The following DENND6B variants were observed in gnomAD, a reference collection of about 807,000 sequenced individuals.
DENND6B encodes DENN domain containing 6B, also known as protein DENND6B.
DENND6B carries 73 observed loss-of-function variants against 85.1 expected under a neutral mutation model. The observed-to-expected ratio is 0.86, with a 90% CI of 0.71 to 1.04. DENND6B has a LOEUF of 1.04. Among genes scored for constraint, DENND6B ranks in the 50% least tolerant of loss-of-function variants. The pLI is 0.00. For missense variants in DENND6B, 715 were observed against 785.8 expected (o/e 0.91, Z 1.08); for synonymous variants, 357 against 329.3 (o/e 1.08, Z -0.91).
chr22:50,319,557 C>T, intron 1 of DENND6B: 1 of 971,378 alleles, frequency 1.0e-6, no homozygotes. Context: ...GGTCACGGGG[C>T]TCCACCTGGC....
intron 8 of DENND6B, 95 bp from the exon 9 acceptor site, chr22:50,315,864 A>G: frequency 6.8e-7 from 1 of 1,477,190 alleles, no homozygotes; most frequent in Non-Finnish European, 9.1e-7. Flanking sequence ...GAAGGTGGAG[A>G]GCACCCAGCC....
Position 50,326,815 on chromosome 22 carries a change from C to T in DENND6B, c.174G>A (p.Leu58=), listed in dbSNP as rs1218360964. 2.1e-6 allele frequency: 3 copies of T among 1,415,918 alleles called. No homozygotes were observed. Among genetic ancestry groups the T allele is most frequent in the South Asian group, 1.4e-5 (1 of 70,280 alleles). 87.7% of individuals were successfully genotyped at this position (1,415,918 alleles called of 1,614,324 possible). A position where few individuals can be genotyped will look rare whatever the true frequency, so the allele number is the denominator to read the frequency against. ...VTFDLELGQA[L]ELVYPNDFRL... is the part of the protein sequence containing the mutation. ...GCCCGCGCTCGCGCCCGCTCACCTC[C>T]AGCGCCTGGCCCAGCTCCAGGTCGA... The change falls in exon 1 of 20, where the codon CTG becomes CTA. Residue 58 remains leucine (L), a synonymous_variant. Coordinates refer to ENST00000413817, the MANE Select transcript of DENND6B (RefSeq NM_001001794.4).
rs764912026 is a variant in DENND6B at position 50,313,825 on chromosome 22, G to C, written c.1192C>G (p.Arg398Gly). ...HLHRDKALLK[R>G]LLKGVQKKRP... ...CACAAACCATATACCTTGAGCAGCC[G>C]TTTGAGCAGCGCCTTGTCGCGGTGG... The change falls in exon 14 of 20, where the codon CGG becomes GGG. Residue 398 changes from arginine to glycine, a missense_variant. Physicochemically the swap from Arg to Gly is moderately radical, Grantham distance 125. Transcript: ENST00000413817. 2 of 1,612,138 alleles carry C rather than the reference G, an allele frequency of 1.2e-6. No homozygotes were observed. The highest frequency in any genetic ancestry group is 4.5e-5 in the East Asian group (2 of 44,852).
At chr22:50,319,847 A>G (rs2147785160) in intron 1 of DENND6B, among the ~76,000 whole-genome samples, 1 of 152,306 alleles carries the variant, frequency 6.6e-6, no homozygotes, top group Non-Finnish European at 1.5e-5. Context: ...CCAGCCGGAC[A>G]AGGCCTGCAC....
chr22:50,323,020 CTTTTT>C (rs386395718), intron 1 of DENND6B, among the ~76,000 whole-genome samples: 35 of 39,030 alleles, frequency 9.0e-4, no homozygotes, highest in Middle Eastern at 0.033. Context: ...CCGGCTAATG[CTTTTT>C]TTTTTTTTTT....
At position 50,314,823 on chromosome 22, in the gene DENND6B, G is replaced by A. The variant is rs367892900; in HGVS notation, c.857C>T (p.Ser286Leu). The A allele has an allele frequency of 3.2e-5, 52 of 1,609,996 alleles. No individual in the cohort carries two copies. The highest frequency in any genetic ancestry group is 2.0e-4 in the East Asian group (9 of 44,800). Residue 286 changes from serine (S) to leucine (L), a missense_variant, in exon 10 of 20, where the codon TCG becomes TTG. Transcript: ENST00000413817. ...LVLAPSPDVS[S>L]EMVLALTSCL... The stretch of plus-strand genomic sequence containing the variant: ...CCTGGTCAAGGCCAGCACCATCTCC[G>A]AGGACACGTCGGGCGAGGGTGCCAG...
intron 1 of DENND6B, among the ~76,000 whole-genome samples, chr22:50,322,618 C>T (rs1354995485): frequency 6.6e-6 from 1 of 151,658 alleles, no homozygotes. Flanking sequence ...GGCGTGATCT[C>T]CGCTCACTGC....
chr22:50,314,049 G>T, intron 13 of DENND6B, 158 bp downstream of exon 13: 2 of 1,262,844 alleles, frequency 1.6e-6, no homozygotes, highest in Non-Finnish European at 2.1e-6. Context: ...CCACTGAAGA[G>T]AAGAGAGCGA....
intron 9 of DENND6B, 75 bp downstream of exon 9, chr22:50,315,639 C>T: frequency 1.4e-6 from 2 of 1,469,240 alleles, no homozygotes; most frequent in Non-Finnish European, 9.2e-7. Context: ...CACACAGATG[C>T]ACACATGCAC....
At chr22:50,325,965 C>G (rs546717839) in intron 1 of DENND6B, among the ~76,000 whole-genome samples, 4 of 152,372 alleles carry the variant, frequency 2.6e-5, no homozygotes, top group Non-Finnish European at 5.9e-5. Flanking sequence ...TCTTGGACAC[C>G]TGCGGTAATA....
At chr22:50,316,313 C>G (rs527360099) in intron 6 of DENND6B, 57 bp downstream of exon 6, 39 of 1,562,854 alleles carry the variant, frequency 2.5e-5, no homozygotes, top group Non-Finnish European at 3.4e-5. Flanking sequence ...GCCGAGCCCA[C>G]CAGGGGCCAC....
rs558344337 is a variant in DENND6B, at chr22:50,325,626, C to T, written c.177+1186G>A. ...CTGGGATTACAGGCATGAGTCACCG[C>T]GTCCGGCCAGGAACCTCTTAACTTC... On this transcript the variant is annotated intron_variant, in intron 1 of 19. Coordinates refer to ENST00000413817, the MANE Select transcript of DENND6B (RefSeq NM_001001794.4). 1.6e-4 allele frequency among the ~76,000 whole-genome samples: 24 copies of T among 152,218 alleles called. No homozygotes were observed. In the South Asian group the frequency reaches 3.7e-3, roughly 24 times the overall value.
Position 50,311,814 on chromosome 22 carries a change from G to T in DENND6B, c.*325C>A. 1 of 382,846 alleles carries T rather than the reference G, an allele frequency of 2.6e-6. No homozygotes were observed. The highest frequency in any genetic ancestry group is 4.9e-6 in the Non-Finnish European group (1 of 205,670). The allele number at this position is 382,846 out of a possible 1,614,324, so 23.7% of individuals were successfully genotyped here. A position where few individuals can be genotyped will look rare whatever the true frequency, so the allele number is the denominator to read the frequency against. On this transcript the variant is annotated 3_prime_UTR_variant, in exon 20 of 20. Coordinates refer to ENST00000413817, the MANE Select transcript of DENND6B (RefSeq NM_001001794.4). ...GGTCGGGGGCCAACAGATGGGCACC[G>T]GGAGGGGCAGACGGTAGACGCACCC... is the stretch of plus-strand genomic sequence containing the variant.
chr22:50,316,711 G>T (rs1024800254), intron 5 of DENND6B: 1 of 1,458,492 alleles, frequency 6.9e-7, no homozygotes, highest in Non-Finnish European at 9.1e-7. Flanking sequence ...GGACCCTAGG[G>T]CCTTCGGAGG....
rs1171364824 is a variant in DENND6B, at chr22:50,312,595, G to C, written c.1488C>G (p.Gly496=). ...TCTCCTTGTGCCGCTGCCGGTACCA[G>C]CCATCAAAATGGGGGGACTTGAAAA... ...RRFFKSPHFD[G]WYRQRHKEMA... The change falls in exon 18 of 20, where the codon GGC becomes GGG. Residue 496 remains glycine (G), a synonymous_variant. Transcript: ENST00000413817. 1 of 1,585,296 alleles carries C rather than the reference G, an allele frequency of 6.3e-7. No homozygotes were observed.
chr22:50,324,063 C>T (rs1367273520), intron 1 of DENND6B, among the ~76,000 whole-genome samples: 4 of 152,128 alleles, frequency 2.6e-5, no homozygotes, highest in Middle Eastern at 3.4e-3. Flanking sequence ...GCTGAGAAGG[C>T]GGAGCCAGGC....
intron 1 of DENND6B, chr22:50,319,464 C>A: frequency 9.1e-6 from 9 of 985,454 alleles, no homozygotes; most frequent in Non-Finnish European, 1.1e-5. Flanking sequence ...AGTTGGGCCC[C>A]CCTGCCCCTA....
intron 4 of DENND6B, 133 bp downstream of exon 4, chr22:50,317,775 T>C (rs1235265206): frequency 5.7e-6 from 5 of 873,278 alleles, no homozygotes; most frequent in Non-Finnish European, 6.8e-6. Flanking sequence ...GCAGGGCCAG[T>C]GGGGCCTGGC....
At chr22:50,322,444 C>A (rs1219926413) in intron 1 of DENND6B, among the ~76,000 whole-genome samples, 1 of 152,148 alleles carries the variant, frequency 6.6e-6, no homozygotes, top group African/African-American at 2.4e-5. Flanking sequence ...GAGGGCATGG[C>A]TGCCAGAGTG....
Sources: gnomAD v4.1 joint callset for allele counts (sites outside exome capture counted in the v4.1 genomes callset) on GRCh38, gnomAD v4.1.1 for gene constraint, MANE v1.5 for transcripts, NCBI Gene and HGNC (gene_info 2026-07-23, HGNC 2026-07-21) for gene names.